The following SPATA16 variants were observed in gnomAD, a reference collection of about 807,000 sequenced individuals.
The protein encoded by SPATA16 is spermatogenesis associated 16.
SPATA16 carries 36 observed loss-of-function variants against 63.3 expected under a neutral mutation model. That is an observed-to-expected ratio of 0.57 (90% CI 0.44 to 0.75). The LOEUF is 0.75. Among genes scored for constraint, SPATA16 ranks in the 30% least tolerant of loss-of-function variants. The pLI is 0.00. For missense variants in SPATA16, 646 were observed against 679.3 expected, an observed-to-expected ratio of 0.95 and a Z score of 0.54; for synonymous variants, 203 against 216.7, an observed-to-expected ratio of 0.94 and a Z score of 0.56.
intron 2 of SPATA16, among the ~76,000 whole-genome samples, chr3:173,057,340 C>T (rs1377410112): frequency 6.6e-6 from 1 of 152,036 alleles, no homozygotes; most frequent in Non-Finnish European, 1.5e-5. Context: ...GTCTCCATCG[C>T]CTGACCTCTT....
At chr3:172,992,022 C>G (rs1023984702) in intron 4 of SPATA16, among the ~76,000 whole-genome samples, 2 of 152,122 alleles carry the variant, frequency 1.3e-5, no homozygotes, top group African/African-American at 2.4e-5. Context: ...GGTAGTCTCG[C>G]CTTTCCTCTC....
At chr3:173,086,595 C>T (rs1737061123) in intron 2 of SPATA16, among the ~76,000 whole-genome samples, 1 of 151,916 alleles carries the variant, frequency 6.6e-6, no homozygotes, top group Non-Finnish European at 1.5e-5. Context: ...GGTTTGTTTG[C>T]TCTTGGTTCT....
intron 1 of SPATA16, among the ~76,000 whole-genome samples, chr3:173,129,471 C>A (rs1383740903): frequency 6.6e-6 from 1 of 152,084 alleles, no homozygotes; most frequent in Non-Finnish European, 1.5e-5. Context: ...AATGCATCAT[C>A]TGGCCCACAA....
chr3:173,095,359 T>TA (rs1182224726), intron 2 of SPATA16, among the ~76,000 whole-genome samples: 2 of 152,120 alleles, frequency 1.3e-5, no homozygotes, highest in Non-Finnish European at 2.9e-5. Flanking sequence ...CAGACAATAA[T>TA]AAAAAAACTA....
intron 5 of SPATA16, among the ~76,000 whole-genome samples, chr3:172,967,846 G>A (rs756424174): frequency 1.3e-5 from 2 of 152,262 alleles, no homozygotes; most frequent in South Asian, 4.1e-4. Context: ...ATAGTTGCAG[G>A]GAAACAAGCT....
At chr3:173,091,608 C>G (rs9839396) in intron 2 of SPATA16, among the ~76,000 whole-genome samples, 5,668 of 151,796 alleles carry the variant, frequency 0.037, 334 homozygotes, top group African/African-American at 0.13. Flanking sequence ...AATGATAAGA[C>G]AGTAATAAGG....
At chr3:172,967,254 A>G (rs1733937843) in intron 5 of SPATA16, among the ~76,000 whole-genome samples, 1 of 152,220 alleles carries the variant, frequency 6.6e-6, no homozygotes, top group Non-Finnish European at 1.5e-5. Context: ...TCCCATAGAA[A>G]CCATCAGAAA....
At chr3:172,914,060 G>A (rs1156876658) in intron 9 of SPATA16, among the ~76,000 whole-genome samples, 1 of 152,006 alleles carries the variant, frequency 6.6e-6, no homozygotes, top group Non-Finnish European at 1.5e-5. Context: ...AATTCTCTCA[G>A]GAAATGGCAT....
intron 6 of SPATA16, among the ~76,000 whole-genome samples, chr3:172,948,642 T>G (rs59777265): frequency 0.087 from 13,225 of 151,860 alleles, 1,929 homozygotes; most frequent in African/African-American, 0.3. Context: ...AATTTTTAAT[T>G]TTTTTGTAGT....
intron 2 of SPATA16, among the ~76,000 whole-genome samples, chr3:173,093,091 G>C (rs952644297): frequency 6.9e-6 from 1 of 145,344 alleles, no homozygotes; most frequent in Non-Finnish European, 1.5e-5. Flanking sequence ...ATATATATAT[G>C]TTTCAAGTTA....
chr3:172,915,886 G>A (rs777905741), intron 9 of SPATA16, among the ~76,000 whole-genome samples: 3 of 152,138 alleles, frequency 2.0e-5, no homozygotes, highest in Non-Finnish European at 4.4e-5. Context: ...AACCCTAGAA[G>A]TGATTAAGAA....
intron 6 of SPATA16, among the ~76,000 whole-genome samples, chr3:172,946,933 GT>G (rs1294521980): frequency 6.6e-6 from 1 of 152,176 alleles, no homozygotes; most frequent in Non-Finnish European, 1.5e-5. Flanking sequence ...CATAGTCCCA[GT>G]TGTCATGGCC....
At position 173,104,818 on chromosome 3, in the gene SPATA16, C is replaced by T. The variant is rs145440799; in HGVS notation, c.612+12302G>A. On this transcript the variant is annotated intron_variant, in intron 2 of 10. Transcript: ENST00000351008. ...AATCATATTTTTCTTGACTTATTCC[C>T]TCTCTCTATGGACTCTTTCAATATA... 5.0e-3 allele frequency among the ~76,000 whole-genome samples: 758 copies of T among 152,246 alleles called. 3 individuals are homozygous for T. Among genetic ancestry groups the T allele is most frequent in the Admixed American group, 8.6e-3 (132 of 15,286 alleles).
intron 4 of SPATA16, among the ~76,000 whole-genome samples, chr3:172,978,161 C>CTATA (rs56787481): frequency 0.016 from 2,416 of 147,286 alleles, 59 homozygotes; most frequent in African/African-American, 0.058. Context: ...CTCTCTCTCT[C>CTATA]TATATATATA....
At chr3:173,007,671 G>C (rs1734974090) in intron 4 of SPATA16, among the ~76,000 whole-genome samples, 1 of 152,052 alleles carries the variant, frequency 6.6e-6, no homozygotes, top group Non-Finnish European at 1.5e-5. Flanking sequence ...AATGTTATAT[G>C]ATATTAAATA....
chr3:173,127,334 G>C (rs1339455881), intron 1 of SPATA16, among the ~76,000 whole-genome samples: 1 of 152,156 alleles, frequency 6.6e-6, no homozygotes, highest in East Asian at 1.9e-4. Context: ...CGTTACTGTA[G>C]CATAATACAG....
intron 4 of SPATA16, among the ~76,000 whole-genome samples, chr3:173,010,408 C>T (rs1474944782): frequency 6.6e-6 from 1 of 151,718 alleles, no homozygotes; most frequent in African/African-American, 2.4e-5. Flanking sequence ...CTGCCCCACC[C>T]GGCCTGACCA....
At chr3:173,062,895 C>T (rs1736417801) in intron 2 of SPATA16, among the ~76,000 whole-genome samples, 1 of 152,154 alleles carries the variant, frequency 6.6e-6, no homozygotes, top group Admixed American at 6.5e-5. Context: ...ATACAGTTCA[C>T]AATAGGGTTT....
At chr3:172,921,406 G>A (rs1732612454) in intron 8 of SPATA16, among the ~76,000 whole-genome samples, 1 of 152,116 alleles carries the variant, frequency 6.6e-6, no homozygotes, top group African/African-American at 2.4e-5. Flanking sequence ...GTTCTACCAA[G>A]ACATGTGAGG....
Sources: gnomAD v4.1 joint callset for allele counts (sites outside exome capture counted in the v4.1 genomes callset) on GRCh38, gnomAD v4.1.1 for gene constraint, MANE v1.5 for transcripts, NCBI Gene and HGNC (gene_info 2026-07-23, HGNC 2026-07-21) for gene names.